The following NECTIN1 variants were observed in gnomAD, a reference collection of about 807,000 sequenced individuals.
NECTIN1 encodes the protein nectin cell adhesion molecule 1.
NECTIN1 carries 23 observed loss-of-function variants against 48.0 expected under a neutral mutation model. The ratio of observed to expected loss-of-function variants is 0.48; its 90% CI spans 0.34 to 0.68. The LOEUF is 0.68. Among genes scored for constraint, NECTIN1 ranks in the 30% least tolerant of loss-of-function variants. The pLI, the probability that NECTIN1 is intolerant of heterozygous loss-of-function variation, is 0.01. For synonymous variants in NECTIN1, 270 were observed against 288.9 expected (o/e 0.93, Z 0.66); for missense variants, 591 against 709.9 (o/e 0.83, Z 1.90).
chr11:119,723,045 G>A (rs190459209), intron 1 of NECTIN1, among the ~76,000 whole-genome samples: 161 of 151,966 alleles, frequency 1.1e-3, no homozygotes, highest in Non-Finnish European at 8.1e-4. Context: ...GTGAAACCCC[G>A]TCTCTACTAA....
intron 5 of NECTIN1, among the ~76,000 whole-genome samples, chr11:119,674,112 T>C (rs960188599): frequency 2.6e-5 from 4 of 152,174 alleles, no homozygotes; most frequent in Admixed American, 6.5e-5. Flanking sequence ...TCAGAGCTCA[T>C]GAATCCTCGT....
At chr11:119,657,266 G>A (rs571967926), downstream of NECTIN1, among the ~76,000 whole-genome samples, 164 of 152,168 alleles carry the variant, frequency 1.1e-3, 1 homozygote, top group African/African-American at 3.8e-3. Context: ...CACCTGGGGC[G>A]GCCTCTTCCT....
chr11:119,713,771 C>A, intron 1 of NECTIN1: 1 of 449,800 alleles, frequency 2.2e-6, no homozygotes, highest in Non-Finnish European at 4.5e-6. Flanking sequence ...ACCTCCTCAC[C>A]CCCCGCCCTC....
chr11:119,728,545 C>T lies in NECTIN1; in HGVS notation c.9G>A (p.Arg3=), dbSNP rs1865956913. The change falls in exon 1 of 6, where the codon CGG becomes CGA. Residue 3 remains arginine, a synonymous_variant. Transcript: ENST00000264025. ...GTCCAGCGGCGCCCGCAAGCCCCAT[C>T]CGAGCCATCGGGGGCCGGGGGTCCG... The part of the protein sequence containing the change: MA[R]MGLAGAAGRW... 1.3e-6 allele frequency: 2 copies of T among 1,582,766 alleles called. No individual in the cohort carries two copies. Among genetic ancestry groups the T allele is most frequent in the African/African-American group, 1.4e-5 (1 of 73,220 alleles).
intron 1 of NECTIN1, among the ~76,000 whole-genome samples, chr11:119,726,060 C>T (rs1304327418): frequency 1.3e-5 from 2 of 152,210 alleles, no homozygotes; most frequent in Non-Finnish European, 2.9e-5. Context: ...TCTGTGTTTA[C>T]ACTTCAATAG....
chr11:119,695,390 C>G (rs1565395252), intron 1 of NECTIN1, among the ~76,000 whole-genome samples: 1 of 150,966 alleles, frequency 6.6e-6, no homozygotes, highest in Non-Finnish European at 1.5e-5. Context: ...GGCATCAGCT[C>G]TGACCTCAGG....
Position 119,673,326 on chromosome 11 carries a change from A to G in NECTIN1, c.1003+1833T>C, listed in dbSNP as rs1220953548. Among the ~76,000 whole-genome samples, 1 of 152,110 alleles carries G rather than the reference A, an allele frequency of 6.6e-6. No individual in the cohort carries two copies. Among genetic ancestry groups the G allele is most frequent in the Non-Finnish European group, 1.5e-5 (1 of 68,016 alleles). ...CAGCGCCTGGGCCTATCAATGATTC[A>G]GTGAGTGCCATGCGTCCCTGGCTCC... On this transcript the variant is annotated intron_variant, in intron 5 of 5. Transcript: ENST00000264025. The surrounding 1 kb of genome is among the most constrained non-coding windows in gnomAD (Gnocchi z 5.8).
In NECTIN1 at chr11:119,661,057, A is replaced by G; in HGVS notation, c.*3690T>C. 2.1e-6 allele frequency: 2 copies of G among 972,270 alleles called. No individual in the cohort carries two copies. Among genetic ancestry groups the G allele is most frequent in the Non-Finnish European group, 2.4e-6 (2 of 818,052 alleles). 60.2% of individuals were successfully genotyped at this position (972,270 alleles called of 1,614,324 possible). The stretch of plus-strand genomic sequence containing the variant: ...ATCCTCAGTACATTTTCAACCCATC[A>G]TTTTTTTTTAATACAAGTAAAAGGG... On this transcript the variant is annotated 3_prime_UTR_variant, in exon 6 of 6. Transcript: ENST00000264025.
intron 1 of NECTIN1, among the ~76,000 whole-genome samples, chr11:119,701,874 G>A (rs1217738557): frequency 5.9e-5 from 9 of 152,154 alleles, no homozygotes; most frequent in East Asian, 1.9e-4. Flanking sequence ...CTCCCGCCCC[G>A]TCCCTGTCCC....
chr11:119,680,402 C>T (rs1162922771), intron 1 of NECTIN1, among the ~76,000 whole-genome samples: 1 of 152,182 alleles, frequency 6.6e-6, no homozygotes, highest in Non-Finnish European at 1.5e-5. Flanking sequence ...TGTACTGACC[C>T]AAGGCAGGGG....
intron 5 of NECTIN1, among the ~76,000 whole-genome samples, 176 bp downstream of exon 5, chr11:119,674,983 C>A (rs1864922656): frequency 6.6e-6 from 1 of 152,154 alleles, no homozygotes; most frequent in Non-Finnish European, 1.5e-5. Flanking sequence ...TCATTTGCAC[C>A]CTTTAATGAA....
Position 119,661,564 on chromosome 11 carries a change from G to A in NECTIN1, c.*3183C>T. Reference sequence around the variant, plus strand: ...TCCTCCCAGAAGAGGGGACATCCGTGTCTGCTTGGCTCAGCAGAGCTGCCC... The same window carrying A: ...TCCTCCCAGAAGAGGGGACATCCGTATCTGCTTGGCTCAGCAGAGCTGCCC... On this transcript the variant is annotated 3_prime_UTR_variant, in exon 6 of 6. Coordinates refer to ENST00000264025, the MANE Select transcript of NECTIN1 (RefSeq NM_002855.5). The A allele has an allele frequency of 1.0e-6, 1 of 985,872 alleles. No homozygotes were observed. Among genetic ancestry groups the A allele is most frequent in the Non-Finnish European group, 1.2e-6 (1 of 829,950 alleles). 61.1% of individuals were successfully genotyped at this position (985,872 alleles called of 1,614,324 possible).
At chr11:119,692,032 G>T (rs926014062) in intron 1 of NECTIN1, among the ~76,000 whole-genome samples, 3 of 152,198 alleles carry the variant, frequency 2.0e-5, no homozygotes, top group African/African-American at 4.8e-5. Flanking sequence ...GAGCCTGGCC[G>T]CATGTCCCCA....
intron 1 of NECTIN1, among the ~76,000 whole-genome samples, chr11:119,686,624 C>A (rs534874714): frequency 1.3e-3 from 194 of 152,338 alleles, no homozygotes; most frequent in Middle Eastern, 6.8e-3. Context: ...TCTCCCAACT[C>A]TTCTCTCTCT....
At chr11:119,645,914 C>G (rs1864391328) in intron 5 of NECTIN1, among the ~76,000 whole-genome samples, 1 of 152,178 alleles carries the variant, frequency 6.6e-6, no homozygotes, top group Non-Finnish European at 1.5e-5. Context: ...TTCCTTGGCT[C>G]AGACTCAGCC....
rs534860436 is a variant in NECTIN1, at chr11:119,666,087, G to A, written c.1004-790C>T. 7.2e-5 allele frequency among the ~76,000 whole-genome samples: 11 copies of A among 152,316 alleles called. No homozygotes were observed. In the East Asian group the frequency reaches 1.7e-3, roughly 24 times the overall value. On this transcript the variant is annotated intron_variant, in intron 5 of 5. Transcript: ENST00000264025. ...AGTGCTGCCAGCCTGGGTTATAAGT[G>A]TAAGACACCAGCATGGCAGGGCACA...
At chr11:119,649,010 G>C (rs78638733) in intron 5 of NECTIN1, among the ~76,000 whole-genome samples, 1 of 152,210 alleles carries the variant, frequency 6.6e-6, no homozygotes, top group Admixed American at 6.5e-5. Context: ...TGTGTGCAGA[G>C]TCAGAAAGAT....
chr11:119,649,542 T>A (rs534020043), intron 5 of NECTIN1, among the ~76,000 whole-genome samples: 26 of 151,794 alleles, frequency 1.7e-4, no homozygotes, highest in African/African-American at 6.3e-4. Context: ...ACAAAAAAAT[T>A]AGCCAGGCAT....
intron 1 of NECTIN1, among the ~76,000 whole-genome samples, chr11:119,711,269 AATCCC>A (rs1272300438): frequency 1.3e-5 from 2 of 152,072 alleles, no homozygotes; most frequent in East Asian, 3.9e-4. Context: ...GGGTGCCTGT[AATCCC>A]AGCTACTTGG....
Sources: gnomAD v4.1 joint callset for allele counts (sites outside exome capture counted in the v4.1 genomes callset) on GRCh38, gnomAD v4.1.1 for gene constraint, Gnocchi (gnomAD v3.1) non-coding constraint, MANE v1.5 for transcripts, NCBI Gene and HGNC (gene_info 2026-07-23, HGNC 2026-07-21) for gene names.